RBSN: variants seen among roughly 807,000 people sequenced by gnomAD.
RBSN encodes the protein rabenosyn, RAB effector, also known as rabenosyn-5.
A neutral mutation model predicts 60.5 loss-of-function variants in RBSN; 34 were observed. The ratio of observed to expected loss-of-function variants is 0.56; its 90% CI spans 0.43 to 0.75. The LOEUF is 0.75. Ranked by LOEUF, RBSN falls within the 30% of genes least tolerant of loss-of-function variation. The probability of loss-of-function intolerance (pLI) is 0.00; values close to 1 mark genes in which losing one functional copy is unlikely to be tolerated. For synonymous variants in RBSN, 322 were observed against 366.9 expected (o/e 0.88, Z 1.40); for missense variants, 845 against 986.8 (o/e 0.86, Z 1.92).
At chr3:15,081,058 A>G in intron 9 of RBSN, 1 of 451,662 alleles carries the variant, frequency 2.2e-6, no homozygotes. Context: ...CTGTCACCCA[A>G]GGTGGAGTAC....
chr3:15,073,571 T>G lies in RBSN; in HGVS notation c.*211A>C. ...AACAGGAAAAGCAGCAACTGAATGCTGATTCTCCCTGTTCTAGTTTCTATT... is the reference window on the plus strand; with the variant it reads ...AACAGGAAAAGCAGCAACTGAATGCGGATTCTCCCTGTTCTAGTTTCTATT... On this transcript the variant is annotated 3_prime_UTR_variant, in exon 14 of 14. Transcript: ENST00000253699. 2.0e-6 allele frequency: 1 copy of G among 506,136 alleles called. No homozygotes were observed. The highest frequency in any genetic ancestry group is 3.4e-6 in the Non-Finnish European group (1 of 290,086). The allele number at this position is 506,136 out of a possible 1,614,324, so 31.4% of individuals were successfully genotyped here.
chr3:15,074,886 G>A lies in RBSN; in HGVS notation c.1251C>T (p.Gly417=), dbSNP rs760961160. 4 of 1,613,600 alleles carry A rather than the reference G, an allele frequency of 2.5e-6. No individual in the cohort carries two copies. Among genetic ancestry groups the A allele is most frequent in the Non-Finnish European group, 3.4e-6 (4 of 1,179,898 alleles). ...CCCCGTTGGCCGCTCGAGAAGCCAGGCCACTCTGCCTTTCCTCAAGCCTTC... is the reference window on the plus strand; with the variant it reads ...CCCCGTTGGCCGCTCGAGAAGCCAGACCACTCTGCCTTTCCTCAAGCCTTC... The part of the protein sequence containing the change: ...SQRRLEERQS[G]LASRAANGEV... The change falls in exon 14 of 14, where the codon GGC becomes GGT. Residue 417 remains glycine (G), a synonymous_variant. Coordinates refer to ENST00000253699, the MANE Select transcript of RBSN (RefSeq NM_022340.4). The surrounding 1 kb of genome is among the most constrained non-coding windows in gnomAD (Gnocchi z 6.4).
At position 15,089,891 on chromosome 3, in the gene RBSN, C is replaced by T. The variant is rs141198496; in HGVS notation, c.289+508G>A. On this transcript the variant is annotated intron_variant, in intron 5 of 13. Transcript: ENST00000253699. Reference sequence around the variant, plus strand: ...GGGATTACAGGTGTGAGCCACCGCGCCCAGCTTAGGATTTTCAGAGTTGTA... The same window carrying T: ...GGGATTACAGGTGTGAGCCACCGCGTCCAGCTTAGGATTTTCAGAGTTGTA... Among the ~76,000 whole-genome samples the T allele has an allele frequency of 2.2e-3, 340 of 152,222 alleles. 2 individuals are homozygous for T. The highest frequency in any genetic ancestry group is 7.6e-3 in the African/African-American group (315 of 41,530).
At chr3:15,075,185 G>A in intron 13 of RBSN, 2 of 580,044 alleles carry the variant, frequency 3.4e-6, no homozygotes, top group East Asian at 3.0e-5. Flanking sequence ...AGATTCACAG[G>A]CCGTATACTT....
intron 5 of RBSN, among the ~76,000 whole-genome samples, chr3:15,087,207 C>T (rs1473918753): frequency 2.6e-5 from 4 of 152,174 alleles, no homozygotes; most frequent in Middle Eastern, 3.4e-3. Context: ...TTCAAGAATA[C>T]GAGATATTTT....
chr3:15,090,257 C>T, intron 5 of RBSN, 142 bp downstream of exon 5: 4 of 866,360 alleles, frequency 4.6e-6, no homozygotes, highest in South Asian at 1.9e-5. Flanking sequence ...CCATTTTCTT[C>T]CCCCAGCAAG....
At chr3:15,075,849 G>A in intron 12 of RBSN, 139 bp from the exon 13 acceptor site, 1 of 678,914 alleles carries the variant, frequency 1.5e-6, no homozygotes, top group Non-Finnish European at 2.6e-6. Context: ...CTAGAAAGGA[G>A]AGAACTCATA....
intron 5 of RBSN, among the ~76,000 whole-genome samples, chr3:15,088,444 A>G (rs1301164238): frequency 1.3e-5 from 2 of 152,096 alleles, no homozygotes; most frequent in African/African-American, 4.8e-5. Flanking sequence ...CAGTGGTGCA[A>G]TCTCGGCTCA....
intron 2 of RBSN, among the ~76,000 whole-genome samples, chr3:15,097,823 T>C (rs944219522): frequency 7.2e-5 from 11 of 151,804 alleles, no homozygotes; most frequent in Admixed American, 3.3e-4. Flanking sequence ...AGCTGAAGGG[T>C]GGCAGCAACT....
At position 15,084,241 on chromosome 3, in the gene RBSN, C is replaced by T. The variant is rs1372635534; in HGVS notation, c.598+494G>A. 1.3e-5 allele frequency among the ~76,000 whole-genome samples: 2 copies of T among 152,170 alleles called. No individual in the cohort carries two copies. Among genetic ancestry groups the T allele is most frequent in the Non-Finnish European group, 2.9e-5 (2 of 68,014 alleles). On this transcript the variant is annotated intron_variant, in intron 8 of 13. Coordinates refer to ENST00000253699, the MANE Select transcript of RBSN (RefSeq NM_022340.4). The surrounding 1 kb of genome is among the most constrained non-coding windows in gnomAD (Gnocchi z 4.2). ...TCAAGCAATTCTCCTGCCTCAGCCT[C>T]CTGAGTAGCTAGGACTACAGGCACA...
At position 15,073,818 on chromosome 3, in the gene RBSN, C is replaced by T. The variant is rs764417962; in HGVS notation, c.2319G>A (p.Lys773=). 8.1e-6 allele frequency: 13 copies of T among 1,611,494 alleles called. No homozygotes were observed. The highest frequency in any genetic ancestry group is 1.0e-5 in the Non-Finnish European group (12 of 1,179,018). ...EVLTENLREL[K]HTLAKQKGGT... Reference sequence around the variant, plus strand: ...CCCCCTTCTGCTTGGCCAGGGTGTGCTTCAGCTCCCGCAGATTCTCTGTCA... The same window carrying T: ...CCCCCTTCTGCTTGGCCAGGGTGTGTTTCAGCTCCCGCAGATTCTCTGTCA... The change falls in exon 14 of 14, where the codon AAG becomes AAA. Residue 773 remains lysine (K), a synonymous_variant. Transcript: ENST00000253699.
intron 5 of RBSN, 27 bp from the exon 6 acceptor site, chr3:15,085,988 A>G: frequency 6.3e-7 from 1 of 1,589,346 alleles, no homozygotes; most frequent in Non-Finnish European, 8.6e-7. Context: ...TAGGGAGACA[A>G]ATGACTTATA....
Position 15,070,123 on chromosome 3 carries a change from A to G in RBSN, c.*3659T>C, listed in dbSNP as rs945975247. 6 of 152,628 alleles carry G rather than the reference A, an allele frequency of 3.9e-5. No homozygotes were observed. The East Asian group carries it at 1.2e-3, about 29-fold the overall frequency. 9.5% of individuals were successfully genotyped at this position (152,628 alleles called of 1,614,324 possible). A position where few individuals can be genotyped will look rare whatever the true frequency, so the allele number is the denominator to read the frequency against. On this transcript the variant is annotated 3_prime_UTR_variant, in exon 14 of 14. Transcript: ENST00000253699. The stretch of plus-strand genomic sequence containing the variant: ...AAAAAAGGCTCCAATACAAGGCCCC[A>G]GAGTAGTGCATGCAAATCAACGACC...
rs1451961708 is a variant in RBSN, at chr3:15,073,693, A to G, written c.*89T>C. On this transcript the variant is annotated 3_prime_UTR_variant, in exon 14 of 14. Transcript: ENST00000253699. ...TGTGCATCTGAGTTCTCACCCTGCCACCTTCCCCATCCATCCTGCCTGCCC... is the reference window on the plus strand; with the variant it reads ...TGTGCATCTGAGTTCTCACCCTGCCGCCTTCCCCATCCATCCTGCCTGCCC... 1.4e-6 allele frequency: 2 copies of G among 1,427,658 alleles called. No individual in the cohort carries two copies. Among genetic ancestry groups the G allele is most frequent in the African/African-American group, 1.4e-5 (1 of 70,110 alleles). 88.4% of individuals were successfully genotyped at this position (1,427,658 alleles called of 1,614,324 possible).
At chr3:15,076,545 G>A (rs916123927) in intron 12 of RBSN, among the ~76,000 whole-genome samples, 1 of 152,152 alleles carries the variant, frequency 6.6e-6, no homozygotes, top group African/African-American at 2.4e-5. Flanking sequence ...CTCTCAGAAG[G>A]GGCCTTCAGG....
At chr3:15,096,404 T>A in intron 3 of RBSN, 116 bp from the exon 4 acceptor site, 1 of 298,734 alleles carries the variant, frequency 3.3e-6, no homozygotes. Context: ...TCAGTGCAAG[T>A]TTGAGAAAAC....
chr3:15,083,331 G>A (rs1007561111), intron 8 of RBSN, among the ~76,000 whole-genome samples: 3 of 152,150 alleles, frequency 2.0e-5, no homozygotes, highest in Non-Finnish European at 4.4e-5. Context: ...GAAAGAAGAA[G>A]CATCTGTTTT....
chr3:15,090,269 G>GC, intron 5 of RBSN, 130 bp downstream of exon 5: 1 of 983,924 alleles, frequency 1.0e-6, no homozygotes, highest in Non-Finnish European at 1.5e-6. Flanking sequence ...CCCAGCAAGG[G>GC]CATAAGGTCC....
intron 12 of RBSN, 106 bp downstream of exon 12, chr3:15,076,956 G>T: frequency 1.1e-6 from 1 of 875,378 alleles, no homozygotes; most frequent in Non-Finnish European, 1.8e-6. Flanking sequence ...AATAATAAAT[G>T]TATAAATAGG....
Sources: gnomAD v4.1 joint callset for allele counts (sites outside exome capture counted in the v4.1 genomes callset) on GRCh38, gnomAD v4.1.1 for gene constraint, Gnocchi (gnomAD v3.1) non-coding constraint, MANE v1.5 for transcripts, NCBI Gene and HGNC (gene_info 2026-07-23, HGNC 2026-07-21) for gene names.